The following MIPEP variants were observed in gnomAD, a reference collection of about 807,000 sequenced individuals.
MIPEP encodes mitochondrial intermediate peptidase.
MIPEP carries 79 observed loss-of-function variants against 90.3 expected under a neutral mutation model. That is an observed-to-expected ratio of 0.87 (90% CI 0.73 to 1.05). The LOEUF (loss-of-function observed/expected upper bound fraction) is 1.05. Among genes scored for constraint, MIPEP ranks in the 50% least tolerant of loss-of-function variants. The pLI is 0.00. For synonymous variants in MIPEP, 334 were observed against 315.8 expected (o/e 1.06, Z -0.61); for missense variants, 940 against 905.6 (o/e 1.04, Z -0.49).
chr13:23,744,981 T>C (rs1952368004), intron 18 of MIPEP, among the ~76,000 whole-genome samples: 1 of 152,224 alleles, frequency 6.6e-6, no homozygotes, highest in Admixed American at 6.5e-5. Flanking sequence ...CAGTTTTATT[T>C]AAACTGCTAG....
chr13:23,830,608 A>G (rs9510881), intron 14 of MIPEP, among the ~76,000 whole-genome samples: 150,253 of 152,324 alleles, frequency 0.99, 74,152 homozygotes, highest in East Asian at 1. Flanking sequence ...AATCATTTAC[A>G]AGAAGAATCT....
intron 14 of MIPEP, among the ~76,000 whole-genome samples, chr13:23,817,334 G>A (rs1391170797): frequency 6.6e-6 from 1 of 152,156 alleles, no homozygotes; most frequent in Non-Finnish European, 1.5e-5. Flanking sequence ...GCTTTGGCAC[G>A]TATGACAGAC....
intron 10 of MIPEP, among the ~76,000 whole-genome samples, chr13:23,843,034 T>A (rs1050396076): frequency 1.4e-5 from 2 of 145,502 alleles, no homozygotes; most frequent in Non-Finnish European, 3.0e-5. Context: ...GAGGCGGAGG[T>A]TGAGTGAGCC....
intron 10 of MIPEP, among the ~76,000 whole-genome samples, chr13:23,847,565 G>A (rs775787008): frequency 2.0e-5 from 3 of 151,888 alleles, no homozygotes; most frequent in Non-Finnish European, 4.4e-5. Context: ...CTGATAACCT[G>A]GAAACACTAG....
At chr13:23,786,222 T>C (rs1242039112) in intron 16 of MIPEP, among the ~76,000 whole-genome samples, 1 of 152,134 alleles carries the variant, frequency 6.6e-6, no homozygotes, top group Admixed American at 6.6e-5. Flanking sequence ...GTGAGGACCG[T>C]ATCTTAAAAA....
chr13:23,817,292 C>G (rs1953251720), intron 14 of MIPEP, among the ~76,000 whole-genome samples: 1 of 152,206 alleles, frequency 6.6e-6, no homozygotes, highest in East Asian at 1.9e-4. Flanking sequence ...GAATTACACA[C>G]CATCAGAGAC....
intron 18 of MIPEP, among the ~76,000 whole-genome samples, chr13:23,742,257 A>T (rs1356343848): frequency 6.6e-6 from 1 of 152,146 alleles, no homozygotes; most frequent in Admixed American, 6.5e-5. Flanking sequence ...TACCTTTTTC[A>T]TTTTCTAAAT....
rs1870681301 is a variant in MIPEP at position 23,869,357 on chromosome 13, G to A, written c.878C>T (p.Ala293Val). Residue 293 changes from alanine to valine, a missense_variant, in exon 7 of 19, where the codon GCA (alanine) becomes GTA (valine). Coordinates refer to ENST00000382172, the MANE Select transcript of MIPEP (RefSeq NM_005932.4). ...EELLSSRDLL[A>V]KLVGYSTFSH... The stretch of plus-strand genomic sequence containing the variant: ...AAACGTGGAATACCCCACCAACTTT[G>A]CCAGAAGATCTCTGCTGCTGAGCAA... The A allele has an allele frequency of 6.2e-7, 1 of 1,613,398 alleles. No homozygotes were observed.
intron 16 of MIPEP, among the ~76,000 whole-genome samples, chr13:23,792,662 T>G (rs1049058022): frequency 2.6e-5 from 4 of 152,238 alleles, no homozygotes; most frequent in Non-Finnish European, 5.9e-5. Context: ...CTGGCCGTCT[T>G]CTCCATCTTA....
intron 16 of MIPEP, 85 bp from the exon 17 acceptor site, chr13:23,760,302 A>G: frequency 6.4e-7 from 1 of 1,566,214 alleles, no homozygotes; most frequent in Non-Finnish European, 8.8e-7. Context: ...GTGGAGACAC[A>G]GAGAGACCCG....
At chr13:23,857,435 T>C (rs1414541163) in intron 10 of MIPEP, among the ~76,000 whole-genome samples, 1 of 152,178 alleles carries the variant, frequency 6.6e-6, no homozygotes, top group African/African-American at 2.4e-5. Flanking sequence ...CTGGGTATGG[T>C]GGTACACACC....
At chr13:23,785,203 G>A (rs1307766268) in intron 16 of MIPEP, among the ~76,000 whole-genome samples, 2 of 151,982 alleles carry the variant, frequency 1.3e-5, no homozygotes, top group African/African-American at 4.8e-5. Flanking sequence ...TGTTTATTGC[G>A]GCACTATTCA....
In MIPEP at chr13:23,806,814, TA is replaced by T. The variant is rs576463450; in HGVS notation, c.1729-746del. The stretch of plus-strand genomic sequence containing the variant: ...GTTACAACTTTAGACCCGCTGGATC[TA>T]ACAAATGTTGTTTGGTTTCCTCCTG... On this transcript the variant is annotated intron_variant, in intron 15 of 18. Coordinates refer to ENST00000382172, the MANE Select transcript of MIPEP (RefSeq NM_005932.4). Among the ~76,000 whole-genome samples the T allele has an allele frequency of 1.8e-4, 28 of 152,338 alleles. No homozygotes were observed. The South Asian group carries it at 5.0e-3, about 27-fold the overall frequency.
intron 18 of MIPEP, among the ~76,000 whole-genome samples, chr13:23,733,419 G>T (rs1485930082): frequency 6.6e-6 from 1 of 152,200 alleles, no homozygotes; most frequent in Non-Finnish European, 1.5e-5. Context: ...GAGGTCCCAG[G>T]GCTCTGAACC....
intron 5 of MIPEP, among the ~76,000 whole-genome samples, chr13:23,872,158 T>C (rs1870838743): frequency 6.6e-6 from 1 of 152,234 alleles, no homozygotes; most frequent in African/African-American, 2.4e-5. Flanking sequence ...AAGTTATATT[T>C]GTATGAGACC....
chr13:23,785,626 A>T (rs1169183244), intron 16 of MIPEP, among the ~76,000 whole-genome samples: 6 of 37,736 alleles, frequency 1.6e-4, no homozygotes, highest in Admixed American at 4.1e-4. Flanking sequence ...AAGTATAATA[A>T]AAAAAAAAAA....
At chr13:23,785,631 A>AAAAAAAG (rs1952830962) in intron 16 of MIPEP, among the ~76,000 whole-genome samples, 2 of 151,916 alleles carry the variant, frequency 1.3e-5, no homozygotes, top group Admixed American at 1.3e-4. Context: ...TAATAAAAAA[A>AAAAAAAG]AAAAAAAGAA....
rs889163051 is a variant in MIPEP at position 23,773,594 on chromosome 13, G to T, written c.1849-13377C>A. On this transcript the variant is annotated intron_variant, in intron 16 of 18. Transcript: ENST00000382172. ...ACATTCTCACCAGCAACGTATGAGG[G>T]TTCCAATTTCTCCACATCCACACCA... 9.9e-5 allele frequency among the ~76,000 whole-genome samples: 15 copies of T among 152,100 alleles called. No homozygotes were observed. In the South Asian group the frequency reaches 2.5e-3, roughly 25 times the overall value.
intron 14 of MIPEP, among the ~76,000 whole-genome samples, chr13:23,823,855 G>C (rs1047631667): frequency 1.3e-5 from 2 of 152,030 alleles, no homozygotes; most frequent in African/African-American, 2.4e-5. Flanking sequence ...GGTTTGGCTT[G>C]GACAATAGAT....
Sources: gnomAD v4.1 joint callset for allele counts (sites outside exome capture counted in the v4.1 genomes callset) on GRCh38, gnomAD v4.1.1 for gene constraint, MANE v1.5 for transcripts, NCBI Gene and HGNC (gene_info 2026-07-23, HGNC 2026-07-21) for gene names.